LRPPRC: variants seen among roughly 807,000 people sequenced by gnomAD.
The protein encoded by LRPPRC is leucine rich pentatricopeptide repeat containing.
Under a neutral mutation model 180.3 loss-of-function variants are expected in LRPPRC, and 120 were observed. The observed-to-expected ratio is 0.67, with a 90% CI of 0.57 to 0.77. LRPPRC has a LOEUF of 0.77. Among genes scored for constraint, LRPPRC ranks in the 30% least tolerant of loss-of-function variants. The pLI is 0.00. For missense variants in LRPPRC, 2,012 were observed against 1,657.2 expected (o/e 1.21, Z -3.72); for synonymous variants, 723 against 600.0 (o/e 1.21, Z -3.00).
Position 43,946,112 on chromosome 2 carries a change from C to A in LRPPRC, c.2210+1G>T. ...ACTTGTTTCAGTGCCAGGGTACTCA[C>A]AATTCTTCTTTCAAGTTCAAGGCAT... On this transcript the variant is annotated splice_donor_variant, in intron 21 of 37. Coordinates refer to ENST00000260665, the MANE Select transcript of LRPPRC (RefSeq NM_133259.4). LOFTEE classifies it high-confidence loss of function. The A allele has an allele frequency of 6.2e-7, 1 of 1,612,466 alleles. No individual in the cohort carries two copies. Among genetic ancestry groups the A allele is most frequent in the Non-Finnish European group, 8.5e-7 (1 of 1,178,770 alleles).
chr2:43,891,629 AGTAATTCTCCT>A (rs1670496304), intron 36 of LRPPRC, among the ~76,000 whole-genome samples: 1 of 152,244 alleles, frequency 6.6e-6, no homozygotes, highest in Non-Finnish European at 1.5e-5. Context: ...GATGCTGACT[AGTAATTCTCCT>A]GTCTTCCTCT....
intron 15 of LRPPRC, among the ~76,000 whole-genome samples, chr2:43,950,266 G>C (rs1270941130): frequency 2.0e-5 from 3 of 151,730 alleles, no homozygotes; most frequent in Non-Finnish European, 4.4e-5. Flanking sequence ...GGATGTGCAG[G>C]TTTGTTACAT....
chr2:43,986,065 T>G (rs1002015058), intron 1 of LRPPRC, among the ~76,000 whole-genome samples: 1 of 152,220 alleles, frequency 6.6e-6, no homozygotes, highest in Non-Finnish European at 1.5e-5. Flanking sequence ...CATAAGCTGT[T>G]GAACATCTTT....
chr2:43,987,281 G>A (rs1187659648), intron 1 of LRPPRC, among the ~76,000 whole-genome samples: 2 of 151,942 alleles, frequency 1.3e-5, no homozygotes, highest in Non-Finnish European at 2.9e-5. Flanking sequence ...AGATCACGAG[G>A]TCAGGAGATT....
chr2:43,916,765 G>A (rs62136832), intron 29 of LRPPRC, among the ~76,000 whole-genome samples: 11,000 of 151,616 alleles, frequency 0.073, 522 homozygotes, highest in South Asian at 0.13. Context: ...ACCAGCCCGG[G>A]CAACATAGCG....
chr2:43,899,295 A>G lies in LRPPRC; in HGVS notation c.3749T>C (p.Ile1250Thr). Residue 1250 changes from isoleucine (I) to threonine (T), a missense_variant, in exon 34 of 38, where the codon ATT becomes ACT. By Grantham distance (89) the Ile-to-Thr change is moderately conservative. Transcript: ENST00000260665. The part of the protein sequence containing the change: ...MAERLANQFA[I>T]YKPVTDFFLQ... ...GAAAAAATCAGTGACAGGTTTATAA[A>G]TTGCAAACTGATTGGCCAATCTCTC... 1 of 1,614,170 alleles carries G rather than the reference A, an allele frequency of 6.2e-7. No homozygotes were observed. Among genetic ancestry groups the G allele is most frequent in the Non-Finnish European group, 8.5e-7 (1 of 1,180,004 alleles).
intron 3 of LRPPRC, among the ~76,000 whole-genome samples, chr2:43,978,024 T>C (rs1216880826): frequency 6.6e-6 from 1 of 152,148 alleles, no homozygotes; most frequent in Non-Finnish European, 1.5e-5. Context: ...AGCTGTTCCA[T>C]TAAATTAATA....
At chr2:43,902,040 T>C (rs1670908984) in intron 31 of LRPPRC, 1 of 155,984 alleles carries the variant, frequency 6.4e-6, no homozygotes, top group Admixed American at 6.3e-5. Context: ...AAATTTATTT[T>C]ATGATTAGAT....
In LRPPRC at chr2:43,896,661, G is replaced by A. The variant is rs551628720; in HGVS notation, c.3873C>T (p.Leu1291=). The A allele has an allele frequency of 3.1e-6, 5 of 1,612,122 alleles. No individual in the cohort carries two copies. Among genetic ancestry groups the A allele is most frequent in the East Asian group, 2.2e-5 (1 of 44,840 alleles). The part of the protein sequence containing the change: ...AEQTPILLLF[L]LRNSRKQGKA... ...TTCCTTGTTTCCTAGAATTCCTAAG[G>A]AGGAACAACAACAAAATCGGGGTTT... The change falls in exon 35 of 38, where the codon CTC becomes CTT. Residue 1291 remains leucine, a synonymous_variant. Coordinates refer to ENST00000260665, the MANE Select transcript of LRPPRC (RefSeq NM_133259.4).
chr2:43,961,533 T>C (rs1673347471), intron 12 of LRPPRC, among the ~76,000 whole-genome samples: 2 of 152,222 alleles, frequency 1.3e-5, no homozygotes, highest in African/African-American at 2.4e-5. Context: ...AAGCAATGAC[T>C]ATCTCAAGGA....
At chr2:43,899,103 T>A in intron 34 of LRPPRC, 116 bp downstream of exon 34, 2 of 741,062 alleles carry the variant, frequency 2.7e-6, no homozygotes, top group Non-Finnish European at 2.4e-6. Flanking sequence ...GTAAACAAGC[T>A]AGCTGCACAC....
chr2:43,959,502 G>A (rs1027410055), intron 13 of LRPPRC, among the ~76,000 whole-genome samples: 2 of 152,156 alleles, frequency 1.3e-5, no homozygotes, highest in African/African-American at 2.4e-5. Context: ...TTATGTCTGT[G>A]TTTTGTTTGT....
chr2:43,901,533 C>T lies in LRPPRC; in HGVS notation c.3365-9G>A. ...CAGTGTTGTCACAGCCTCTAAAATA[C>T]AAGAGCAGGAGATGGCTTTTCTTAT... On this transcript the variant is annotated splice_polypyrimidine_tract_variant and intron_variant, in intron 31 of 37. Coordinates refer to ENST00000260665, the MANE Select transcript of LRPPRC (RefSeq NM_133259.4). 1 of 1,588,606 alleles carries T rather than the reference C, an allele frequency of 6.3e-7. No individual in the cohort carries two copies. Among genetic ancestry groups the T allele is most frequent in the South Asian group, 1.1e-5 (1 of 90,602 alleles).
At chr2:43,889,958 G>A (rs951810816) in intron 36 of LRPPRC, 82 bp from the exon 37 acceptor site, 19 of 991,232 alleles carry the variant, frequency 1.9e-5, no homozygotes, top group Non-Finnish European at 2.9e-5. Context: ...ACTCAGGGAC[G>A]GCTGGATCCC....
At chr2:43,964,004 T>A (rs1673459008) in intron 11 of LRPPRC, among the ~76,000 whole-genome samples, 1 of 152,116 alleles carries the variant, frequency 6.6e-6, no homozygotes, top group African/African-American at 2.4e-5. Flanking sequence ...CCCCAAACAG[T>A]GATTATAATA....
At chr2:43,970,640 G>T (rs1673764364) in intron 11 of LRPPRC, among the ~76,000 whole-genome samples, 1 of 152,150 alleles carries the variant, frequency 6.6e-6, no homozygotes, top group Non-Finnish European at 1.5e-5. Flanking sequence ...CTAGAGGAAA[G>T]TCTCCATTTA....
At chr2:43,988,423 C>A (rs1166881952) in intron 1 of LRPPRC, among the ~76,000 whole-genome samples, 6 of 152,048 alleles carry the variant, frequency 3.9e-5, no homozygotes, top group African/African-American at 1.4e-4. Flanking sequence ...ATAATCCCAG[C>A]TAGTTGGGAG....
chr2:43,977,837 T>C (rs1354422520), intron 3 of LRPPRC, among the ~76,000 whole-genome samples: 1 of 152,142 alleles, frequency 6.6e-6, no homozygotes, highest in Non-Finnish European at 1.5e-5. Context: ...CAAATAAGGT[T>C]ACCACACAGC....
At chr2:43,973,753 G>A in intron 10 of LRPPRC, 39 bp from the exon 11 acceptor site, 1 of 1,601,622 alleles carries the variant, frequency 6.2e-7, no homozygotes, top group Non-Finnish European at 8.6e-7. Context: ...AGCTACCTCA[G>A]CAAAACTTCC....
Sources: allele counts gnomAD v4.1 joint callset (sites outside exome capture counted in the v4.1 genomes callset), GRCh38; gene constraint gnomAD v4.1.1; transcripts MANE v1.5; gene names NCBI Gene and HGNC (gene_info 2026-07-23, HGNC 2026-07-21).